H6PD: variants seen among roughly 807,000 people sequenced by gnomAD.
H6PD encodes GDH/6PGL endoplasmic bifunctional protein.
Under a neutral mutation model 61.2 loss-of-function variants are expected in H6PD, and 48 were observed. That is an observed-to-expected ratio of 0.78 (90% CI 0.62 to 1.00). The LOEUF is 1.00. Ranked by LOEUF, H6PD falls within the 50% of genes least tolerant of loss-of-function variation. H6PD has a pLI of 0.00. For missense variants in H6PD, 1,093 were observed against 1,065.0 expected (o/e 1.03, Z -0.37); for synonymous variants, 480 against 457.9 (o/e 1.05, Z -0.62).
intron 1 of H6PD, among the ~76,000 whole-genome samples, chr1:9,242,195 C>G (rs1341706646): frequency 6.6e-6 from 1 of 152,144 alleles, no homozygotes; most frequent in African/African-American, 2.4e-5. Flanking sequence ...GCTCAGTATT[C>G]CGGAGTCTCA....
chr1:9,264,445 T>C lies in H6PD; in HGVS notation c.1952T>C (p.Ile651Thr), dbSNP rs747430471. The C allele has an allele frequency of 1.4e-5, 23 of 1,613,046 alleles. No homozygotes were observed. Among genetic ancestry groups the C allele is most frequent in the Non-Finnish European group, 1.7e-5 (20 of 1,179,956 alleles). Residue 651 changes from isoleucine to threonine, a missense_variant, in exon 5 of 5, where the codon ATC becomes ACC. Transcript: ENST00000377403. The stretch of plus-strand genomic sequence containing the variant: ...CACGTCCGGATCCCCTACTACAACA[T>C]CCACCCCATGCCTGTGCACCTGCAG... ...LQHVRIPYYN[I>T]HPMPVHLQQR... is the part of the protein sequence containing the mutation.
intron 3 of H6PD, among the ~76,000 whole-genome samples, chr1:9,250,827 A>G (rs1311418382): frequency 6.6e-6 from 1 of 151,996 alleles, no homozygotes; most frequent in Non-Finnish European, 1.5e-5. Context: ...CATCACACAC[A>G]TCTAAGTGGG....
rs147646448 is a variant in H6PD, at chr1:9,264,483, G to A, written c.1990G>A (p.Ala664Thr). Reference protein sequence around the residue: ...MPVHLQQRLCAEEDQGAQIYA... With the variant: ...MPVHLQQRLCTEEDQGAQIYA... ...TGTGCACCTGCAGCAGCGGCTCTGC[G>A]CCGAGGAGGACCAGGGCGCCCAGAT... is the stretch of plus-strand genomic sequence containing the variant. The change falls in exon 5 of 5, where the codon GCC becomes ACC. Residue 664 changes from alanine (A) to threonine (T), a missense_variant. Physicochemically the swap from Ala to Thr is moderately conservative, Grantham distance 58. Coordinates refer to ENST00000377403, the MANE Select transcript of H6PD (RefSeq NM_004285.4). The A allele has an allele frequency of 2.7e-4, 443 of 1,613,218 alleles. 4 individuals are homozygous for A. Among genetic ancestry groups the A allele is most frequent in the Middle Eastern group, 1.6e-4 (1 of 6,062 alleles).
chr1:9,241,046 G>A (rs1036162838), intron 1 of H6PD, among the ~76,000 whole-genome samples: 1 of 152,164 alleles, frequency 6.6e-6, no homozygotes, highest in Non-Finnish European at 1.5e-5. Context: ...CAGACTAGTC[G>A]GGAGTGTTGA....
rs980155047 is a variant in H6PD at position 9,254,500 on chromosome 1, A to G, written c.745+7417A>G. On this transcript the variant is annotated intron_variant, in intron 3 of 4. Transcript: ENST00000377403. The surrounding 1 kb of genome is among the most constrained non-coding windows in gnomAD (Gnocchi z 4.6). ...CAAGTAGTTTGTATTCATCTGCTATAATAACTTCTTTGCAGTTCACTGTGA... is the reference window on the plus strand; with the variant it reads ...CAAGTAGTTTGTATTCATCTGCTATGATAACTTCTTTGCAGTTCACTGTGA... 4.6e-5 allele frequency among the ~76,000 whole-genome samples: 7 copies of G among 152,220 alleles called. No homozygotes were observed. Among genetic ancestry groups the G allele is most frequent in the African/African-American group, 1.7e-4 (7 of 41,452 alleles).
chr1:9,259,546 T>A (rs1201327086), intron 3 of H6PD, among the ~76,000 whole-genome samples: 2 of 152,092 alleles, frequency 1.3e-5, no homozygotes, highest in African/African-American at 4.8e-5. Context: ...GTTGTTACAC[T>A]AGTATTATGT....
intron 3 of H6PD, among the ~76,000 whole-genome samples, chr1:9,251,630 C>T (rs1212866476): frequency 1.3e-5 from 2 of 152,110 alleles, no homozygotes; most frequent in African/African-American, 4.8e-5. Context: ...TCCTTCCAGG[C>T]ACACACCAGC....
At chr1:9,248,876 A>G (rs1641268560) in intron 3 of H6PD, among the ~76,000 whole-genome samples, 1 of 152,296 alleles carries the variant, frequency 6.6e-6, no homozygotes, top group Non-Finnish European at 1.5e-5. Context: ...TTTCCCTCCC[A>G]GTCCTCAGCC....
intron 1 of H6PD, chr1:9,242,907 A>G: frequency 1.0e-6 from 1 of 985,424 alleles, no homozygotes; most frequent in Non-Finnish European, 1.2e-6. Flanking sequence ...TGAGGAAAAA[A>G]CGCTTGAAGG....
At chr1:9,240,602 C>T (rs916744779) in intron 1 of H6PD, among the ~76,000 whole-genome samples, 2 of 152,172 alleles carry the variant, frequency 1.3e-5, no homozygotes, top group East Asian at 1.9e-4. Context: ...ACCACACATT[C>T]GGGTTCCCAG....
intron 1 of H6PD, among the ~76,000 whole-genome samples, chr1:9,241,854 C>T (rs1456979522): frequency 3.3e-5 from 5 of 152,170 alleles, no homozygotes; most frequent in Non-Finnish European, 5.9e-5. Context: ...CCTTCACCTC[C>T]CAGTTTCCTC....
chr1:9,251,432 C>CCTG (rs1196537751), intron 3 of H6PD, among the ~76,000 whole-genome samples: 2 of 101,604 alleles, frequency 2.0e-5, no homozygotes, highest in Non-Finnish European at 3.8e-5. Context: ...GTGTAGAAGG[C>CCTG]CTGCTGTTGT....
intron 3 of H6PD, among the ~76,000 whole-genome samples, chr1:9,251,333 G>C (rs1010925091): frequency 6.6e-6 from 1 of 152,210 alleles, no homozygotes; most frequent in Admixed American, 6.5e-5. Flanking sequence ...GAGCTCCACA[G>C]CCTCCCCAGC....
rs529660507 is a variant in H6PD, at chr1:9,258,823, GTGT to G, written c.746-3231_746-3229del. Among the ~76,000 whole-genome samples, 20 of 151,816 alleles carry G rather than the reference GTGT, an allele frequency of 1.3e-4. No individual in the cohort carries two copies. In the East Asian group the frequency reaches 2.1e-3, roughly 16 times the overall value. On this transcript the variant is annotated intron_variant, in intron 3 of 4. Transcript: ENST00000377403. The stretch of plus-strand genomic sequence containing the variant: ...TTGTTACATTGCTGTTGTTACTCTG[GTGT>G]TGTTATGTTGTTGTTATGCTGGTGT...
At chr1:9,238,873 T>C (rs1009060770) in intron 1 of H6PD, among the ~76,000 whole-genome samples, 26 of 152,184 alleles carry the variant, frequency 1.7e-4, no homozygotes, top group African/African-American at 4.8e-4. Flanking sequence ...CCTTTGCCTA[T>C]ATCTGTGGTG....
intron 1 of H6PD, chr1:9,242,503 A>G (rs1641027476): frequency 3.3e-6 from 3 of 911,560 alleles, no homozygotes; most frequent in African/African-American, 1.8e-5. Context: ...AGGGAGGCCA[A>G]CCTCAGAACC....
At position 9,269,097 on chromosome 1, in the gene H6PD, C is replaced by T. The variant is rs181765302; in HGVS notation, c.*4228C>T. On this transcript the variant is annotated 3_prime_UTR_variant, in exon 5 of 5. Transcript: ENST00000377403. This position sits in a 1 kb window ranked among gnomAD's most constrained non-coding sequence, Gnocchi z 4.3. ...TCTCAGTGTCAGAGTGAGCACGGCA[C>T]AGGAAAGGCCCGTGGTGACGAGGGT... is the stretch of plus-strand genomic sequence containing the variant. 6 of 152,068 alleles carry T rather than the reference C, an allele frequency of 3.9e-5. No homozygotes were observed. Among genetic ancestry groups the T allele is most frequent in the African/African-American group, 1.2e-4 (5 of 41,450 alleles). The allele number at this position is 152,068 out of a possible 1,614,324, so 9.4% of individuals were successfully genotyped here.
At chr1:9,242,513 C>T (rs74053615) in intron 1 of H6PD, 283 of 954,210 alleles carry the variant, frequency 3.0e-4, no homozygotes, top group African/African-American at 6.9e-4. Context: ...ACCTCAGAAC[C>T]GGGGACCCAC....
rs1335377939 is a variant in H6PD, at chr1:9,266,107, A to T, written c.*1238A>T. The stretch of plus-strand genomic sequence containing the variant: ...CTGAGGTGACAGCTCATTAGCGGGG[A>T]GAGAGATGGAGCATCGAGTGACACT... On this transcript the variant is annotated 3_prime_UTR_variant, in exon 5 of 5. Coordinates refer to ENST00000377403, the MANE Select transcript of H6PD (RefSeq NM_004285.4). 4 of 152,278 alleles carry T rather than the reference A, an allele frequency of 2.6e-5. No homozygotes were observed. In the East Asian group the frequency reaches 5.8e-4, roughly 22 times the overall value. 9.4% of individuals were successfully genotyped at this position (152,278 alleles called of 1,614,324 possible).
Sources: gnomAD v4.1 joint callset for allele counts (sites outside exome capture counted in the v4.1 genomes callset) on GRCh38, gnomAD v4.1.1 for gene constraint, Gnocchi (gnomAD v3.1) non-coding constraint, MANE v1.5 for transcripts, NCBI Gene and HGNC (gene_info 2026-07-23, HGNC 2026-07-21) for gene names.